The following NFIB variants were observed in gnomAD, a reference collection of about 807,000 sequenced individuals.
NFIB encodes nuclear factor I B.
Under a neutral mutation model 61.5 loss-of-function variants are expected in NFIB, and 11 were observed. The ratio of observed to expected loss-of-function variants is 0.18; its 90% CI spans 0.11 to 0.30. The LOEUF is 0.30. Ranked by LOEUF, NFIB falls within the 10% of genes least tolerant of loss-of-function variation. NFIB has a pLI of 1.00. For missense variants in NFIB, 471 were observed against 608.9 expected, an observed-to-expected ratio of 0.77 and a Z score of 2.38; for synonymous variants, 260 against 216.5, an observed-to-expected ratio of 1.20 and a Z score of -1.76.
Position 14,370,089 on chromosome 9 carries a change from A to G in NFIB, c.108+28435T>C, listed in dbSNP as rs139347239. Among the ~76,000 whole-genome samples, 543 of 152,240 alleles carry G rather than the reference A, an allele frequency of 3.6e-3. 4 individuals carry two copies. Among genetic ancestry groups the G allele is most frequent in the African/African-American group, 0.012 (512 of 41,532 alleles). On this transcript the variant is annotated intron_variant, in intron 1 of 8. Transcript: ENST00000380934. ...TTCGCCATCTCCAAACACCCAGTACATTTTACGACTTTGTGCCTCCCTTCA... is the reference window on the plus strand; with the variant it reads ...TTCGCCATCTCCAAACACCCAGTACGTTTTACGACTTTGTGCCTCCCTTCA...
intron 1 of NFIB, among the ~76,000 whole-genome samples, chr9:14,376,321 GTTAACA>G (rs909554531): frequency 6.6e-6 from 1 of 152,114 alleles, no homozygotes; most frequent in African/African-American, 2.4e-5. Flanking sequence ...TTTTAAAAAA[GTTAACA>G]TTTTGGAATA....
rs1212949529 is a variant in NFIB at position 14,087,120 on chromosome 9, A to G, written c.*1189T>C. On this transcript the variant is annotated 3_prime_UTR_variant, in exon 11 of 11. Transcript: ENST00000380953. ...TGGATTTGCCTGCCTCTTTGTCTCT[A>G]TAATGCAGATTTTATAGAACCTTTT... 2 of 202,254 alleles carry G rather than the reference A, an allele frequency of 9.9e-6. No individual in the cohort carries two copies. The highest frequency in any genetic ancestry group is 2.3e-5 in the African/African-American group (1 of 43,594). The allele number at this position is 202,254 out of a possible 1,614,324, so 12.5% of individuals were successfully genotyped here. A position where few individuals can be genotyped will look rare whatever the true frequency, so the allele number is the denominator to read the frequency against.
chr9:14,459,665 T>G, the NFIB span, among the ~76,000 whole-genome samples: 1 of 151,730 alleles, frequency 6.6e-6, no homozygotes, highest in Non-Finnish European at 1.5e-5. Flanking sequence ...TCAAACAAAT[T>G]TACAAGAAAA....
intron 1 of NFIB, among the ~76,000 whole-genome samples, chr9:14,347,069 G>A (rs1468432845): frequency 1.3e-5 from 2 of 151,936 alleles, no homozygotes; most frequent in Non-Finnish European, 1.5e-5. Flanking sequence ...CAACCCGCCC[G>A]GCGCGAAGGG....
the NFIB span, among the ~76,000 whole-genome samples, chr9:14,517,793 G>A: frequency 6.6e-6 from 1 of 152,060 alleles, no homozygotes; most frequent in Admixed American, 6.6e-5. Flanking sequence ...TTTTCCATGG[G>A]CTGTTTCCCA....
chr9:14,527,509 T>G, the NFIB span, among the ~76,000 whole-genome samples: 1 of 152,210 alleles, frequency 6.6e-6, no homozygotes, highest in African/African-American at 2.4e-5. Flanking sequence ...AGCAACATTT[T>G]AGAGAAAACA....
chr9:14,117,453 C>T (rs1190779181), intron 8 of NFIB, among the ~76,000 whole-genome samples: 3 of 151,532 alleles, frequency 2.0e-5, no homozygotes, highest in East Asian at 1.9e-4. Context: ...AGGCTATTCT[C>T]GGCAAGTATA....
rs188248990 is a variant in NFIB, at chr9:14,191,829, A to C, written c.563-12049T>G. Among the ~76,000 whole-genome samples, 372 of 152,356 alleles carry C rather than the reference A, an allele frequency of 2.4e-3. 2 individuals carry two copies. The highest frequency in any genetic ancestry group is 8.5e-3 in the African/African-American group (353 of 41,586). ...ATTTTCATTGCACGTACCATTACAT[A>C]TGGCTAATGTTTAATTTTCCAAATT... On this transcript the variant is annotated intron_variant, in intron 2 of 10. Coordinates refer to ENST00000380953, the MANE Select transcript of NFIB (RefSeq NM_001190737.2).
intron 2 of NFIB, among the ~76,000 whole-genome samples, chr9:14,289,864 A>G (rs2058975539): frequency 6.6e-6 from 1 of 152,058 alleles, no homozygotes. Context: ...GCTATTGGAA[A>G]CATAAAGGAA....
At chr9:14,121,123 G>A (rs1049921003) in intron 7 of NFIB, among the ~76,000 whole-genome samples, 1 of 152,170 alleles carries the variant, frequency 6.6e-6, no homozygotes, top group African/African-American at 2.4e-5. Flanking sequence ...AATTAGCTGA[G>A]CATGGTGATG....
the NFIB span, among the ~76,000 whole-genome samples, chr9:14,435,801 A>T: frequency 6.6e-6 from 1 of 152,222 alleles, no homozygotes; most frequent in African/African-American, 2.4e-5. Flanking sequence ...AGGTGGGCAG[A>T]TCTGTTAAAA....
intron 1 of NFIB, among the ~76,000 whole-genome samples, chr9:14,337,120 T>C (rs1456145537): frequency 6.6e-6 from 1 of 152,222 alleles, no homozygotes; most frequent in African/African-American, 2.4e-5. Flanking sequence ...CAGGTTCTAT[T>C]TGGCTTGTGG....
intron 2 of NFIB, among the ~76,000 whole-genome samples, chr9:14,290,080 G>T (rs1055118481): frequency 6.6e-6 from 1 of 151,978 alleles, no homozygotes; most frequent in African/African-American, 2.4e-5. Flanking sequence ...TAGTAGTAAA[G>T]TATACTGGAT....
intron 1 of NFIB, among the ~76,000 whole-genome samples, chr9:14,396,222 T>C (rs1162066347): frequency 6.6e-6 from 1 of 151,990 alleles, no homozygotes; most frequent in Non-Finnish European, 1.5e-5. Flanking sequence ...CACAGCATAA[T>C]AGATCACAGA....
chr9:14,422,075 A>T, the NFIB span, among the ~76,000 whole-genome samples: 2 of 152,210 alleles, frequency 1.3e-5, no homozygotes, highest in African/African-American at 2.4e-5. Flanking sequence ...TAATCATATA[A>T]ACAGGCTAGT....
At chr9:14,113,348 T>G (rs1301519041) in intron 9 of NFIB, among the ~76,000 whole-genome samples, 1 of 152,200 alleles carries the variant, frequency 6.6e-6, no homozygotes, top group Non-Finnish European at 1.5e-5. Context: ...TTACATGCTC[T>G]AGTAACTGTC....
the NFIB span, among the ~76,000 whole-genome samples, chr9:14,506,108 T>C: frequency 6.6e-6 from 1 of 152,068 alleles, no homozygotes; most frequent in African/African-American, 2.4e-5. Flanking sequence ...TTTTGTGAAG[T>C]TTGTGGTATT....
the NFIB span, among the ~76,000 whole-genome samples, chr9:14,440,816 C>A: frequency 1.3e-5 from 2 of 152,170 alleles, no homozygotes; most frequent in Admixed American, 6.5e-5. Flanking sequence ...TGGGAACATT[C>A]ATTTATCCCC....
intron 1 of NFIB, among the ~76,000 whole-genome samples, chr9:14,321,615 G>A (rs2060662109): frequency 6.6e-6 from 1 of 152,134 alleles, no homozygotes; most frequent in South Asian, 2.1e-4. Context: ...GAGGGGAGAG[G>A]GGCATAAAGC....
Sources: gnomAD v4.1 joint callset for allele counts (sites outside exome capture counted in the v4.1 genomes callset) on GRCh38, gnomAD v4.1.1 for gene constraint, MANE v1.5 for transcripts, NCBI Gene and HGNC (gene_info 2026-07-23, HGNC 2026-07-21) for gene names.